Variants in RAPGEF2 observed in about 807,000 individuals in gnomAD.
RAPGEF2 encodes Rap guanine nucleotide exchange factor 2.
In RAPGEF2, 54 loss-of-function variants were observed where a neutral mutation model predicts 186.7. The ratio of observed to expected loss-of-function variants is 0.29; its 90% CI spans 0.23 to 0.36. RAPGEF2 has a LOEUF of 0.36. Among genes scored for constraint, RAPGEF2 ranks in the 10% least tolerant of loss-of-function variants. The pLI is 1.00. For missense variants in RAPGEF2, 1,532 were observed against 2,045.0 expected (o/e 0.75, Z 4.84); for synonymous variants, 712 against 705.9 (o/e 1.01, Z -0.14).
At chr4:159,313,611 A>G (rs902304034) in intron 8 of RAPGEF2, among the ~76,000 whole-genome samples, 13 of 152,170 alleles carry the variant, frequency 8.5e-5, no homozygotes, top group African/African-American at 3.1e-4. Flanking sequence ...CGTATGGGCT[A>G]TGATTTGAAG....
At chr4:159,272,528 A>G (rs965870218) in intron 7 of RAPGEF2, among the ~76,000 whole-genome samples, 1 of 152,190 alleles carries the variant, frequency 6.6e-6, no homozygotes, top group East Asian at 1.9e-4. Context: ...GCTTAATTTT[A>G]TTAATTCTTC....
At position 159,318,127 on chromosome 4, in the gene RAPGEF2, G is replaced by A. The variant is rs75806496; in HGVS notation, c.853+3359G>A. Among the ~76,000 whole-genome samples, 1,511 of 151,766 alleles carry A rather than the reference G, an allele frequency of 1.0e-2. 10 individuals are homozygous for A. Among genetic ancestry groups the A allele is most frequent in the East Asian group, 0.034 (176 of 5,160 alleles). ...CATTTATTTGAATACCAGTTTACTT[G>A]CAAGCAATGACAATTATCATGTTTG... On this transcript the variant is annotated intron_variant, in intron 9 of 29. Transcript: ENST00000691494.
At chr4:159,291,118 A>G (rs1300487874) in intron 7 of RAPGEF2, among the ~76,000 whole-genome samples, 1 of 152,206 alleles carries the variant, frequency 6.6e-6, no homozygotes, top group Non-Finnish European at 1.5e-5. Flanking sequence ...CTTAAAGATT[A>G]TTGTCTAGCT....
At chr4:159,267,034 A>G in intron 7 of RAPGEF2, 1 of 454,518 alleles carries the variant, frequency 2.2e-6, no homozygotes, top group African/African-American at 2.0e-5. Flanking sequence ...GGAGGGGGCG[A>G]GTCTTAAGGA....
chr4:159,206,619 A>C (rs1750019040), intron 3 of RAPGEF2, among the ~76,000 whole-genome samples: 1 of 152,252 alleles, frequency 6.6e-6, no homozygotes, highest in Admixed American at 6.5e-5. Flanking sequence ...CACTGTGGAA[A>C]GGAAGTGTTT....
chr4:159,245,424 A>G (rs887897368), intron 7 of RAPGEF2, among the ~76,000 whole-genome samples: 9 of 152,048 alleles, frequency 5.9e-5, no homozygotes, highest in African/African-American at 2.2e-4. Context: ...TAGAGTGAGT[A>G]GATTATAGAG....
intron 7 of RAPGEF2, among the ~76,000 whole-genome samples, chr4:159,249,453 A>G (rs1364948908): frequency 6.8e-6 from 1 of 147,844 alleles, no homozygotes; most frequent in African/African-American, 2.4e-5. Context: ...GTTTTAAAAC[A>G]TTATTAACCT....
At chr4:159,185,670 G>A (rs952472649) in intron 1 of RAPGEF2, among the ~76,000 whole-genome samples, 1 of 152,130 alleles carries the variant, frequency 6.6e-6, no homozygotes, top group African/African-American at 2.4e-5. Context: ...TTAGAGTAAG[G>A]GGGAATGGAG....
intron 1 of RAPGEF2, among the ~76,000 whole-genome samples, chr4:159,104,551 A>ACT (rs1737643932): frequency 7.4e-6 from 1 of 134,548 alleles, no homozygotes; most frequent in Non-Finnish European, 1.6e-5. Flanking sequence ...AGAGAGAGAG[A>ACT]GAGTGTGTGT....
intron 1 of RAPGEF2, among the ~76,000 whole-genome samples, chr4:159,113,245 T>C (rs1385641041): frequency 1.3e-5 from 2 of 152,324 alleles, no homozygotes; most frequent in East Asian, 3.9e-4. Flanking sequence ...CTGATGAAAT[T>C]TGAATATTTA....
chr4:159,140,613 A>G (rs1010649808), intron 1 of RAPGEF2, among the ~76,000 whole-genome samples: 15 of 152,168 alleles, frequency 9.9e-5, no homozygotes, highest in African/African-American at 3.4e-4. Flanking sequence ...AGACTGTTCT[A>G]ATTACCGGGG....
At chr4:159,165,774 G>A (rs1745241221) in intron 1 of RAPGEF2, among the ~76,000 whole-genome samples, 1 of 152,022 alleles carries the variant, frequency 6.6e-6, no homozygotes, top group African/African-American at 2.4e-5. Flanking sequence ...TTTAGTTTTT[G>A]TAGGGTTGGG....
chr4:159,104,134 A>G lies in RAPGEF2; in HGVS notation c.-29A>G. On this transcript the variant is annotated 5_prime_UTR_variant, in exon 1 of 30. Transcript: ENST00000691494. ...CGGGAGGAGGCCGGCCAGGGTGCGG[A>G]GCGGCCCCGGCCCGCTCCCAGAGGG... The G allele has an allele frequency of 6.8e-7, 1 of 1,472,230 alleles. No homozygotes were observed. The highest frequency in any genetic ancestry group is 2.8e-5 in the East Asian group (1 of 35,654). 91.2% of individuals were successfully genotyped at this position (1,472,230 alleles called of 1,614,324 possible).
chr4:159,139,656 G>A (rs189936335), intron 1 of RAPGEF2, among the ~76,000 whole-genome samples: 3 of 151,926 alleles, frequency 2.0e-5, no homozygotes, highest in East Asian at 3.9e-4. Context: ...TAATTATTAC[G>A]GGGATATTAA....
intron 2 of RAPGEF2, 30 bp from the exon 3 acceptor site, chr4:159,193,170 G>T: frequency 7.1e-7 from 1 of 1,404,556 alleles, no homozygotes; most frequent in Non-Finnish European, 9.4e-7. Flanking sequence ...AGTGACAGAT[G>T]TTGAACTCAT....
intron 1 of RAPGEF2, among the ~76,000 whole-genome samples, chr4:159,159,036 A>T (rs1379069325): frequency 6.6e-6 from 1 of 152,210 alleles, no homozygotes; most frequent in Admixed American, 6.5e-5. Flanking sequence ...TTATATGGTG[A>T]AATGAAAGCT....
intron 7 of RAPGEF2, among the ~76,000 whole-genome samples, chr4:159,258,047 C>A (rs1369338676): frequency 2.0e-5 from 3 of 152,104 alleles, no homozygotes; most frequent in Non-Finnish European, 4.4e-5. Flanking sequence ...ATGTAATCTT[C>A]CATGAACATG....
chr4:159,115,193 A>AT (rs1318579824), intron 1 of RAPGEF2, among the ~76,000 whole-genome samples: 1 of 151,918 alleles, frequency 6.6e-6, no homozygotes, highest in Non-Finnish European at 1.5e-5. Flanking sequence ...AATATTATGT[A>AT]TTTTTTTCAT....
In RAPGEF2 at chr4:159,179,117, T is replaced by C. The variant is rs141578187; in HGVS notation, c.70-7525T>C. Among the ~76,000 whole-genome samples, 743 of 152,300 alleles carry C rather than the reference T, an allele frequency of 4.9e-3. 4 individuals carry two copies. Among genetic ancestry groups the C allele is most frequent in the African/African-American group, 0.017 (703 of 41,558 alleles). On this transcript the variant is annotated intron_variant, in intron 1 of 29. Coordinates refer to ENST00000691494, the MANE Select transcript of RAPGEF2 (RefSeq NM_001394067.2). Reference sequence around the variant, plus strand: ...TTCCTAGGGTAAAACGAAAGACTTATTGTTCTAAAAAATGCTGCTTCCTGG... The same window carrying C: ...TTCCTAGGGTAAAACGAAAGACTTACTGTTCTAAAAAATGCTGCTTCCTGG...
Sources: allele counts gnomAD v4.1 joint callset (sites outside exome capture counted in the v4.1 genomes callset), GRCh38; gene constraint gnomAD v4.1.1; transcripts MANE v1.5; gene names NCBI Gene and HGNC (gene_info 2026-07-23, HGNC 2026-07-21).